The following SEPTIN14 variants were observed in gnomAD, a reference collection of about 807,000 sequenced individuals.
SEPTIN14 encodes the protein septin-14.
Under a neutral mutation model 53.6 loss-of-function variants are expected in SEPTIN14, and 40 were observed. That is an observed-to-expected ratio of 0.75 (90% CI 0.58 to 0.97). SEPTIN14 has a LOEUF of 0.97. SEPTIN14 is among the 50% of genes least tolerant of loss of function. SEPTIN14 has a pLI of 0.00. For missense variants in SEPTIN14, 471 were observed against 508.2 expected, an observed-to-expected ratio of 0.93 and a Z score of 0.70; for synonymous variants, 138 against 166.8, an observed-to-expected ratio of 0.83 and a Z score of 1.33.
intron 6 of SEPTIN14, among the ~76,000 whole-genome samples, chr7:55,823,163 T>C (rs1788926473): frequency 6.6e-6 from 1 of 152,214 alleles, no homozygotes; most frequent in Admixed American, 6.5e-5. Context: ...TCTTCCTGCT[T>C]GGTGCACTTT....
chr7:55,857,490 G>GGGGGA (rs1789656704), intron 2 of SEPTIN14, among the ~76,000 whole-genome samples: 1 of 71,446 alleles, frequency 1.4e-5, no homozygotes, highest in Non-Finnish European at 2.4e-5. Context: ...GAGGGGAGGG[G>GGGGGA]AGGGAAGGGA....
intron 5 of SEPTIN14, among the ~76,000 whole-genome samples, chr7:55,838,641 G>T (rs1407198983): frequency 1.3e-5 from 2 of 151,234 alleles, no homozygotes; most frequent in African/African-American, 4.9e-5. Context: ...GCAGTGACAT[G>T]ATCTTGGCTC....
intron 6 of SEPTIN14, among the ~76,000 whole-genome samples, chr7:55,826,814 A>G (rs1788996643): frequency 6.6e-6 from 1 of 151,556 alleles, no homozygotes; most frequent in Admixed American, 6.6e-5. Context: ...AAAAAAAAAA[A>G]AGAATAAAGA....
At chr7:55,805,991 A>T in intron 8 of SEPTIN14, among the ~76,000 whole-genome samples, 1 of 152,092 alleles carries the variant, frequency 6.6e-6, no homozygotes, top group East Asian at 1.9e-4. Flanking sequence ...TTTGCAACAC[A>T]AGTCCTATTC....
chr7:55,841,132 C>T (rs1488184803), intron 5 of SEPTIN14, among the ~76,000 whole-genome samples: 1 of 151,902 alleles, frequency 6.6e-6, no homozygotes, highest in African/African-American at 2.4e-5. Context: ...TGGTCTTGAA[C>T]TCCTGATCTC....
chr7:55,851,870 C>T (rs971644858), intron 2 of SEPTIN14, among the ~76,000 whole-genome samples: 3 of 151,892 alleles, frequency 2.0e-5, no homozygotes, highest in African/African-American at 4.8e-5. Context: ...AGGCTGGGCG[C>T]AGTGGCTCAC....
intron 7 of SEPTIN14, among the ~76,000 whole-genome samples, chr7:55,814,111 C>A (rs1788752957): frequency 6.6e-6 from 1 of 152,062 alleles, no homozygotes; most frequent in Non-Finnish European, 1.5e-5. Flanking sequence ...GGGAATTCTC[C>A]CAGATATTAT....
At chr7:55,808,461 T>G (rs1200306829) in intron 7 of SEPTIN14, among the ~76,000 whole-genome samples, 2 of 152,218 alleles carry the variant, frequency 1.3e-5, no homozygotes, top group African/African-American at 4.8e-5. Flanking sequence ...ACCAATGATG[T>G]TTAAGAATTC....
At chr7:55,818,767 A>G (rs1788839061) in intron 7 of SEPTIN14, among the ~76,000 whole-genome samples, 1 of 152,174 alleles carries the variant, frequency 6.6e-6, no homozygotes, top group South Asian at 2.1e-4. Flanking sequence ...TCTACACACT[A>G]GTATTTTTGC....
intron 9 of SEPTIN14, among the ~76,000 whole-genome samples, chr7:55,804,607 C>A (rs1788584787): frequency 6.6e-6 from 1 of 151,986 alleles, no homozygotes; most frequent in African/African-American, 2.4e-5. Flanking sequence ...AGACATCTGG[C>A]CTATAGCACC....
rs1290421378 is a variant in SEPTIN14 at position 55,795,386 on chromosome 7, T to C, written c.*527A>G. On this transcript the variant is annotated 3_prime_UTR_variant, in exon 10 of 10. Transcript: ENST00000388975. ...AAATATTGATTGAAAGTCATATTTG[T>C]GTTAGTGTACGTCCTAAGTGCCAAG... The C allele has an allele frequency of 6.5e-6, 1 of 154,912 alleles. No individual in the cohort carries two copies. Among genetic ancestry groups the C allele is most frequent in the African/African-American group, 2.4e-5 (1 of 41,432 alleles). The allele number at this position is 154,912 out of a possible 1,614,324, so 9.6% of individuals were successfully genotyped here.
intron 7 of SEPTIN14, among the ~76,000 whole-genome samples, chr7:55,816,263 A>C (rs1478487496): frequency 6.6e-6 from 1 of 152,210 alleles, no homozygotes; most frequent in East Asian, 1.9e-4. Flanking sequence ...GTTACATAGA[A>C]TGAATAAGAT....
At chr7:55,843,542 GAT>G (rs2116051666) in intron 4 of SEPTIN14, among the ~76,000 whole-genome samples, 1 of 152,274 alleles carries the variant, frequency 6.6e-6, no homozygotes, top group South Asian at 2.1e-4. Flanking sequence ...TTGTTAAAAA[GAT>G]AAAAAATGGC....
At chr7:55,812,733 A>G (rs906612536) in intron 7 of SEPTIN14, among the ~76,000 whole-genome samples, 4 of 152,132 alleles carry the variant, frequency 2.6e-5, no homozygotes, top group Non-Finnish European at 4.4e-5. Context: ...ATATTATATC[A>G]AGAAAAGAGG....
intron 6 of SEPTIN14, among the ~76,000 whole-genome samples, chr7:55,822,134 G>C (rs1163262755): frequency 6.6e-6 from 1 of 152,118 alleles, no homozygotes; most frequent in South Asian, 2.1e-4. Context: ...TGGGAATTCT[G>C]GGAGATATGA....
chr7:55,839,561 C>T (rs976718615), intron 5 of SEPTIN14, among the ~76,000 whole-genome samples: 2 of 152,072 alleles, frequency 1.3e-5, no homozygotes, highest in Non-Finnish European at 2.9e-5. Flanking sequence ...AACTGCATCT[C>T]ATTTATAAAT....
chr7:55,861,877 A>AT, intron 2 of SEPTIN14, 66 bp downstream of exon 2: 1 of 1,005,176 alleles, frequency 9.9e-7, no homozygotes, highest in Non-Finnish European at 1.4e-6. Context: ...CCAAGTCAAT[A>AT]TTTTTAGGCT....
chr7:55,811,214 G>T, intron 7 of SEPTIN14: 1 of 526,200 alleles, frequency 1.9e-6, no homozygotes, highest in Non-Finnish European at 3.8e-6. Flanking sequence ...ATTCATCTTT[G>T]CGCAGTGCCT....
chr7:55,856,792 G>A lies in SEPTIN14; in HGVS notation c.54+5151C>T, dbSNP rs184815706. 2.8e-3 allele frequency among the ~76,000 whole-genome samples: 429 copies of A among 152,252 alleles called. 3 individuals carry two copies. The highest frequency in any genetic ancestry group is 0.01 in the African/African-American group (420 of 41,550). ...AGCGCTGAGATGAAAACAAGTGCAG[G>A]CCAGGTGTGGTGGCTCACACCCATA... On this transcript the variant is annotated intron_variant, in intron 2 of 9. Coordinates refer to ENST00000388975, the MANE Select transcript of SEPTIN14 (RefSeq NM_207366.3).
Sources: gnomAD v4.1 joint callset for allele counts (sites outside exome capture counted in the v4.1 genomes callset) on GRCh38, gnomAD v4.1.1 for gene constraint, MANE v1.5 for transcripts, NCBI Gene and HGNC (gene_info 2026-07-23, HGNC 2026-07-21) for gene names.